CAPN3: variants seen among roughly 807,000 people sequenced by gnomAD.
The protein encoded by CAPN3 is calpain-3.
CAPN3 carries 88 observed loss-of-function variants against 114.0 expected under a neutral mutation model. That is an observed-to-expected ratio of 0.77 (90% confidence interval 0.65 to 0.92). The LOEUF is 0.92. Ranked by LOEUF, CAPN3 falls within the 40% of genes least tolerant of loss-of-function variation. CAPN3 has a pLI of 0.00. For missense variants in CAPN3, 1,028 were observed against 1,069.0 expected, an observed-to-expected ratio of 0.96 and a Z score of 0.53; for synonymous variants, 386 against 382.9, an observed-to-expected ratio of 1.01 and a Z score of -0.09.
chr15:42,388,645 G>C (rs940658382), intron 4 of CAPN3, among the ~76,000 whole-genome samples: 2 of 151,972 alleles, frequency 1.3e-5, no homozygotes, highest in African/African-American at 4.8e-5. Context: ...TCAACGTTCA[G>C]GATGTAGTGG....
chr15:42,365,133 T>C (rs932083475), intron 1 of CAPN3, among the ~76,000 whole-genome samples: 9 of 152,096 alleles, frequency 5.9e-5, no homozygotes, highest in African/African-American at 2.2e-4. Context: ...GTAAATTCCA[T>C]GTTATTCCAG....
intron 1 of CAPN3, among the ~76,000 whole-genome samples, chr15:42,379,053 C>G (rs2141141487): frequency 6.6e-6 from 1 of 152,270 alleles, no homozygotes; most frequent in South Asian, 2.1e-4. Flanking sequence ...GTGGCGCACC[C>G]CTATAATCCT....
rs1490726640 is a variant in CAPN3, at chr15:42,410,469, C to T, written c.2157C>T (p.His719=). The T allele has an allele frequency of 6.2e-7, 1 of 1,614,082 alleles. No individual in the cohort carries two copies. Among genetic ancestry groups the T allele is most frequent in the South Asian group, 1.1e-5 (1 of 91,072 alleles). The change falls in exon 20 of 24, where the codon CAC becomes CAT. Residue 719 remains histidine, a synonymous_variant. Coordinates refer to ENST00000397163, the MANE Select transcript of CAPN3 (RefSeq NM_000070.3). ...AGCTCAACCTGCAGGAGTTCCACCA[C>T]CTCTGGAACAAGATTAAGGCCTGGC... ...SGKLNLQEFH[H]LWNKIKAWQK...
intron 9 of CAPN3, among the ~76,000 whole-genome samples, chr15:42,397,645 A>AC (rs2053737517): frequency 8.4e-6 from 1 of 118,566 alleles, no homozygotes; most frequent in African/African-American, 4.3e-5. Flanking sequence ...TCTGTCTTGG[A>AC]AAAAAAAAAA....
intron 17 of CAPN3, 26 bp from the exon 18 acceptor site, chr15:42,409,761 T>G (rs777088026): frequency 9.3e-6 from 15 of 1,609,574 alleles, no homozygotes; most frequent in Admixed American, 6.7e-5. Context: ...TCCTGAACCA[T>G]GACCCTCCTC....
intron 1 of CAPN3, among the ~76,000 whole-genome samples, chr15:42,381,508 T>C (rs982528355): frequency 6.6e-6 from 1 of 152,194 alleles, no homozygotes; most frequent in Non-Finnish European, 1.5e-5. Context: ...ATTACATACT[T>C]TACATCCTCC....
rs557462596 is a variant in CAPN3 at position 42,370,165 on chromosome 15, G to A, written c.309+10051G>A. 9.2e-5 allele frequency among the ~76,000 whole-genome samples: 14 copies of A among 152,176 alleles called. 1 individual carries two copies. The highest frequency in any genetic ancestry group is 2.0e-4 in the Admixed American group (3 of 15,278). ...TGAGATTACAGGCGTGAGTCACTGC[G>A]CCTGGTCTCACATCAGCACTTTCAA... On this transcript the variant is annotated intron_variant, in intron 1 of 23. Coordinates refer to ENST00000397163, the MANE Select transcript of CAPN3 (RefSeq NM_000070.3).
At chr15:42,396,761 C>A in intron 8 of CAPN3, 39 bp from the exon 9 acceptor site, 1 of 1,535,920 alleles carries the variant, frequency 6.5e-7, no homozygotes, top group Non-Finnish European at 9.0e-7. Flanking sequence ...CAGGCCTTCC[C>A]TTCTTCCTGC....
intron 10 of CAPN3, 86 bp downstream of exon 10, chr15:42,399,738 T>C: frequency 3.6e-6 from 4 of 1,124,390 alleles, no homozygotes; most frequent in Non-Finnish European, 5.0e-6. Context: ...TAAGTCTCTC[T>C]GTTCCAGACG....
chr15:42,382,471 C>T (rs975561670), intron 1 of CAPN3, among the ~76,000 whole-genome samples: 1 of 152,074 alleles, frequency 6.6e-6, no homozygotes, highest in African/African-American at 2.4e-5. Context: ...CAGGTTCAAG[C>T]GATTCTCTCA....
chr15:42,408,191 C>T lies in CAPN3; in HGVS notation c.1801-20C>T, dbSNP rs1206237902. 8 of 1,548,876 alleles carry T rather than the reference C, an allele frequency of 5.2e-6. No homozygotes were observed. Among genetic ancestry groups the T allele is most frequent in the African/African-American group, 2.7e-5 (2 of 73,632 alleles). ...ACTGTAATCCTCCCTTCCTTCCTGC[C>T]TCCTCCCTCCTCTCTCCAGCCCATC... On this transcript the variant is annotated intron_variant, in intron 15 of 23. Transcript: ENST00000397163.
Position 42,406,093 on chromosome 15 carries a change from C to T in CAPN3, c.1800+150C>T, listed in dbSNP as rs28364510. The T allele has an allele frequency of 6.0e-3, 4,578 of 757,422 alleles. 159 individuals carry two copies. In the African/African-American group the frequency reaches 0.07, roughly 12 times the overall value. The allele number at this position is 757,422 out of a possible 1,614,324, so 46.9% of individuals were successfully genotyped here. A position where few individuals can be genotyped will look rare whatever the true frequency, so the allele number is the denominator to read the frequency against. On this transcript the variant is annotated intron_variant, in intron 15 of 23. Coordinates refer to ENST00000397163, the MANE Select transcript of CAPN3 (RefSeq NM_000070.3). Reference sequence around the variant, plus strand: ...TTCCTGAGCTTCTGCTGGGGCCGAGCGTGCAGTAATGACAACTACGATTTG... The same window carrying T: ...TTCCTGAGCTTCTGCTGGGGCCGAGTGTGCAGTAATGACAACTACGATTTG...
At chr15:42,363,223 A>ACTC (rs2052690970) in intron 1 of CAPN3, among the ~76,000 whole-genome samples, 1 of 152,200 alleles carries the variant, frequency 6.6e-6, no homozygotes, top group Non-Finnish European at 1.5e-5. Flanking sequence ...TTGAGTTTCC[A>ACTC]GGGCAAACAA....
At chr15:42,388,549 C>T (rs1460635699) in intron 4 of CAPN3, among the ~76,000 whole-genome samples, 1 of 152,108 alleles carries the variant, frequency 6.6e-6, no homozygotes, top group East Asian at 1.9e-4. Context: ...TCATGCAATC[C>T]ACCAGCCTTG....
intron 1 of CAPN3, among the ~76,000 whole-genome samples, chr15:42,361,943 T>G (rs1160220459): frequency 6.6e-6 from 1 of 152,240 alleles, no homozygotes; most frequent in Non-Finnish European, 1.5e-5. Flanking sequence ...TTCTCATGAC[T>G]GATTTCCTCT....
intron 12 of CAPN3, 160 bp from the exon 13 acceptor site, chr15:42,402,633 AG>A: frequency 5.2e-6 from 8 of 1,530,362 alleles, no homozygotes; most frequent in Non-Finnish European, 7.0e-6. Context: ...AGAGGAAGTG[AG>A]GTAGGGAGGC....
chr15:42,360,077 A>G lies in CAPN3; in HGVS notation c.272A>G (p.Gln91Arg), dbSNP rs1373328854. 2 of 1,614,134 alleles carry G rather than the reference A, an allele frequency of 1.2e-6. No individual in the cohort carries two copies. The highest frequency in any genetic ancestry group is 1.3e-5 in the African/African-American group (1 of 74,944). ...PPDETSLFYS[Q>R]KFPIQFVWKR... is the part of the protein sequence containing the mutation. ...GATGAGACCTCTCTCTTTTATAGCC[A>G]GAAGTTCCCCATCCAGTTCGTCTGG... is the stretch of plus-strand genomic sequence containing the variant. The change falls in exon 1 of 24, where the codon CAG (glutamine) becomes CGG (arginine). Residue 91 changes from glutamine (Q) to arginine (R), a missense_variant. Coordinates refer to ENST00000397163, the MANE Select transcript of CAPN3 (RefSeq NM_000070.3).
Position 42,405,929 on chromosome 15 carries a change from A to T in CAPN3, c.1786A>T (p.Lys596Ter). The change falls in exon 15 of 24, where the codon AAG (lysine) becomes TAG (stop). Residue 596 changes from lysine to a stop codon, truncating the protein, a stop_gained. Coordinates refer to ENST00000397163, the MANE Select transcript of CAPN3 (RefSeq NM_000070.3). LOFTEE classifies it high-confidence loss of function. ...ACTGTTTCCTTTTCTTATGCAGAAA[A>T]AGAAAAAAACCAAGGTAGGTGTGTG... The part of the protein sequence containing the change: ...NTISVDRPVK[K>*]KKTKPIIFVS... 6.2e-7 allele frequency: 1 copy of T among 1,612,364 alleles called. No individual in the cohort carries two copies. Among genetic ancestry groups the T allele is most frequent in the Non-Finnish European group, 8.5e-7 (1 of 1,178,394 alleles).
chr15:42,406,895 C>T (rs535454217), intron 15 of CAPN3, among the ~76,000 whole-genome samples: 2 of 152,260 alleles, frequency 1.3e-5, no homozygotes, highest in African/African-American at 4.8e-5. Flanking sequence ...AAGCCAAGGC[C>T]TCTGGGGCCT....
Sources: gnomAD v4.1 joint callset for allele counts (sites outside exome capture counted in the v4.1 genomes callset) on GRCh38, gnomAD v4.1.1 for gene constraint, MANE v1.5 for transcripts, NCBI Gene and HGNC (gene_info 2026-07-23, HGNC 2026-07-21) for gene names.